The following SMURF2 variants were observed in gnomAD, a reference collection of about 807,000 sequenced individuals.
The protein encoded by SMURF2 is E3 ubiquitin-protein ligase SMURF2.
A neutral mutation model predicts 109.6 loss-of-function variants in SMURF2; 48 were observed. That is an observed-to-expected ratio of 0.44 (90% confidence interval 0.35 to 0.56). SMURF2 has a LOEUF of 0.56. Ranked by LOEUF, SMURF2 falls within the 20% of genes least tolerant of loss-of-function variation. The pLI is 0.01. For missense variants in SMURF2, 575 were observed against 909.0 expected (o/e 0.63, Z 4.72); for synonymous variants, 288 against 317.1 (o/e 0.91, Z 0.97).
intron 1 of SMURF2, among the ~76,000 whole-genome samples, chr17:64,634,514 T>C (rs1050748396): frequency 2.0e-5 from 3 of 152,184 alleles, no homozygotes; most frequent in African/African-American, 4.8e-5. Flanking sequence ...TTCCTAGAGA[T>C]AGGTGATATG....
At position 64,547,871 on chromosome 17, in the gene SMURF2, CT is replaced by C; in HGVS notation, c.1870-71del. 2.9e-6 allele frequency: 4 copies of C among 1,380,490 alleles called. No homozygotes were observed. The highest frequency in any genetic ancestry group is 4.1e-6 in the Non-Finnish European group (4 of 972,392). The allele number at this position is 1,380,490 out of a possible 1,614,324, so 85.5% of individuals were successfully genotyped here. Reference sequence around the variant, plus strand: ...AGACCAAAAATTCCTCAAAAGAGAACTTTAGGTTTGTACTGCTGGCTGTCAT... The same window carrying C: ...AGACCAAAAATTCCTCAAAAGAGAACTTAGGTTTGTACTGCTGGCTGTCAT... On this transcript the variant is annotated intron_variant, in intron 16 of 18. Transcript: ENST00000262435. The surrounding 1 kb of genome is among the most constrained non-coding windows in gnomAD (Gnocchi z 4.2).
At chr17:64,552,044 A>G (rs938108385) in intron 15 of SMURF2, among the ~76,000 whole-genome samples, 6 of 152,222 alleles carry the variant, frequency 3.9e-5, no homozygotes, top group African/African-American at 1.4e-4. Flanking sequence ...TAACTAGAAT[A>G]AAGAGCTCTT....
intron 1 of SMURF2, among the ~76,000 whole-genome samples, chr17:64,609,402 C>A (rs782729075): frequency 6.6e-6 from 1 of 152,036 alleles, no homozygotes; most frequent in Non-Finnish European, 1.5e-5. Context: ...AAAAACAGCA[C>A]GGTACTGGTA....
intron 1 of SMURF2, among the ~76,000 whole-genome samples, chr17:64,652,645 C>T (rs538673660): frequency 6.6e-6 from 1 of 152,170 alleles, no homozygotes; most frequent in Non-Finnish European, 1.5e-5. Context: ...CTGCCACACA[C>T]CTGGCTAATT....
At chr17:64,555,620 A>C (rs1424756642) in intron 14 of SMURF2, among the ~76,000 whole-genome samples, 200 bp downstream of exon 14, 1 of 152,190 alleles carries the variant, frequency 6.6e-6, no homozygotes, top group Non-Finnish European at 1.5e-5. Flanking sequence ...TTTCCTTTTT[A>C]AAGTAGTAAC....
chr17:64,628,713 G>C (rs1356189255), intron 1 of SMURF2, among the ~76,000 whole-genome samples: 1 of 152,082 alleles, frequency 6.6e-6, no homozygotes, highest in Non-Finnish European at 1.5e-5. Flanking sequence ...TAACTTCCTT[G>C]AAGGATTCTC....
intron 3 of SMURF2, among the ~76,000 whole-genome samples, chr17:64,594,794 C>T (rs1474623623): frequency 6.6e-6 from 1 of 152,072 alleles, no homozygotes; most frequent in East Asian, 1.9e-4. Context: ...CGAGACCAGC[C>T]TGACCAACAT....
At chr17:64,643,972 C>T (rs1043809434) in intron 1 of SMURF2, among the ~76,000 whole-genome samples, 4 of 151,758 alleles carry the variant, frequency 2.6e-5, no homozygotes, top group Non-Finnish European at 5.9e-5. Flanking sequence ...ATTATAGGTG[C>T]GCGCCACCAA....
chr17:64,552,252 A>G (rs1969055925), intron 15 of SMURF2, among the ~76,000 whole-genome samples: 1 of 152,194 alleles, frequency 6.6e-6, no homozygotes, highest in African/African-American at 2.4e-5. Context: ...TAGAGGATAT[A>G]AAAATTCTGG....
chr17:64,629,771 A>C (rs1175899642), intron 1 of SMURF2, among the ~76,000 whole-genome samples: 8 of 152,218 alleles, frequency 5.3e-5, no homozygotes, highest in Admixed American at 5.2e-4. Flanking sequence ...TTACAACAGA[A>C]TATTGTCCAA....
At chr17:64,554,816 A>G in intron 15 of SMURF2, 40 bp downstream of exon 15, 1 of 1,592,138 alleles carries the variant, frequency 6.3e-7, no homozygotes, top group Non-Finnish European at 8.6e-7. Flanking sequence ...ATTCTAGAAC[A>G]TTTTAAAAAA....
At chr17:64,601,069 T>TA (rs1178281016) in intron 2 of SMURF2, among the ~76,000 whole-genome samples, 2 of 151,970 alleles carry the variant, frequency 1.3e-5, no homozygotes, top group Non-Finnish European at 2.9e-5. Context: ...GGCAACATAG[T>TA]AAGACCACCC....
chr17:64,566,885 T>G (rs1969320790), intron 10 of SMURF2, among the ~76,000 whole-genome samples: 1 of 148,626 alleles, frequency 6.7e-6, no homozygotes, highest in Non-Finnish European at 1.5e-5. Context: ...AGAGTTTTTT[T>G]TTTTTTTTAG....
chr17:64,565,861 G>T (rs1373796300), intron 10 of SMURF2, among the ~76,000 whole-genome samples: 1 of 151,208 alleles, frequency 6.6e-6, no homozygotes, highest in African/African-American at 2.4e-5. Flanking sequence ...TTCAAGCAAA[G>T]GAAATAAAAA....
intron 1 of SMURF2, among the ~76,000 whole-genome samples, chr17:64,623,588 C>G (rs1970231661): frequency 6.6e-6 from 1 of 152,190 alleles, no homozygotes; most frequent in African/African-American, 2.4e-5. Flanking sequence ...GTTAAGTATT[C>G]CCCAGTAAAA....
At chr17:64,657,252 A>G (rs1275456073) in intron 1 of SMURF2, among the ~76,000 whole-genome samples, 1 of 152,156 alleles carries the variant, frequency 6.6e-6, no homozygotes, top group Non-Finnish European at 1.5e-5. Flanking sequence ...GTAATCTTTG[A>G]GTTGAGCCTT....
chr17:64,542,378 T>C lies in SMURF2; in HGVS notation c.*3470A>G, dbSNP rs1031542378. Reference sequence around the variant, plus strand: ...ATACATAGTTAATTTTTAAAAACCATTTATACAGATGTTACTGATAAAGCT... The same window carrying C: ...ATACATAGTTAATTTTTAAAAACCACTTATACAGATGTTACTGATAAAGCT... On this transcript the variant is annotated 3_prime_UTR_variant, in exon 19 of 19. Coordinates refer to ENST00000262435, the MANE Select transcript of SMURF2 (RefSeq NM_022739.4). 6.6e-6 allele frequency: 1 copy of C among 152,168 alleles called. No individual in the cohort carries two copies. The highest frequency in any genetic ancestry group is 2.4e-5 in the African/African-American group (1 of 41,436). The allele number at this position is 152,168 out of a possible 1,614,324, so 9.4% of individuals were successfully genotyped here.
In SMURF2 at chr17:64,551,649, G is replaced by T. The variant is rs1969047390; in HGVS notation, c.1804C>A (p.Gln602Lys). The T allele has an allele frequency of 6.2e-7, 1 of 1,613,954 alleles. No homozygotes were observed. The highest frequency in any genetic ancestry group is 2.2e-5 in the East Asian group (1 of 44,862). Residue 602 changes from glutamine to lysine, a missense_variant, in exon 16 of 19, where the codon CAG becomes AAG. This residue lies in a region of SMURF2 where 361 missense variants were observed against 612.1 expected (regional missense o/e 0.59). Coordinates refer to ENST00000262435, the MANE Select transcript of SMURF2 (RefSeq NM_022739.4). ...RGIEAQFLAL[Q>K]KGFNEVIPQH... ...GGAATTACTTCATTAAATCCTTTCT[G>T]CAGAGCCAAGAATTGAGCCTCAATG...
chr17:64,558,261 T>C (rs1969153317), intron 12 of SMURF2, among the ~76,000 whole-genome samples: 1 of 151,998 alleles, frequency 6.6e-6, no homozygotes, highest in Non-Finnish European at 1.5e-5. Flanking sequence ...TTAGCCAGGT[T>C]GATGGCAAGT....
Sources: allele counts gnomAD v4.1 joint callset (sites outside exome capture counted in the v4.1 genomes callset), GRCh38; gene constraint gnomAD v4.1.1; regional missense constraint gnomAD v4.1.1; non-coding constraint Gnocchi (gnomAD v3.1); transcripts MANE v1.5; gene names NCBI Gene and HGNC (gene_info 2026-07-23, HGNC 2026-07-21).